The following WDR7 variants were observed in gnomAD, a reference collection of about 807,000 sequenced individuals.
WDR7 encodes WD repeat domain 7, also known as WD repeat-containing protein 7.
Under a neutral mutation model 169.4 loss-of-function variants are expected in WDR7, and 46 were observed. The ratio of observed to expected loss-of-function variants is 0.27; its 90% CI spans 0.21 to 0.35. The LOEUF is 0.35. WDR7 is among the 10% of genes least tolerant of loss of function. WDR7 has a pLI of 1.00. For synonymous variants in WDR7, 612 were observed against 666.8 expected (o/e 0.92, Z 1.27); for missense variants, 1,534 against 1,859.3 (o/e 0.83, Z 3.22).
At chr18:57,016,601 A>G (rs959660342) in intron 26 of WDR7, among the ~76,000 whole-genome samples, 2 of 152,228 alleles carry the variant, frequency 1.3e-5, no homozygotes, top group East Asian at 3.8e-4. Context: ...CATGGCTTTT[A>G]TTGACGCTGA....
intron 18 of WDR7, among the ~76,000 whole-genome samples, 177 bp downstream of exon 18, chr18:56,779,726 A>G (rs1176694706): frequency 6.6e-6 from 1 of 152,214 alleles, no homozygotes; most frequent in East Asian, 1.9e-4. Context: ...CCAACCAGTA[A>G]TGCTCCAGCT....
At chr18:56,702,953 G>A (rs865797216) in intron 12 of WDR7, among the ~76,000 whole-genome samples, 6 of 152,102 alleles carry the variant, frequency 3.9e-5, no homozygotes, top group African/African-American at 1.4e-4. Context: ...CGAAAATGCC[G>A]AAAAATAAAC....
rs888759091 is a variant in WDR7, at chr18:57,028,124, A to G, written c.*917A>G. 2 of 152,190 alleles carry G rather than the reference A, an allele frequency of 1.3e-5. No individual in the cohort carries two copies. Among genetic ancestry groups the G allele is most frequent in the African/African-American group, 4.8e-5 (2 of 41,438 alleles). The allele number at this position is 152,190 out of a possible 1,614,324, so 9.4% of individuals were successfully genotyped here. On this transcript the variant is annotated 3_prime_UTR_variant, in exon 28 of 28. Coordinates refer to ENST00000254442, the MANE Select transcript of WDR7 (RefSeq NM_015285.3). ...ACCCCTTTCCCCCGGAAAACTTGCA[A>G]TCCTGTAGTTCCCATATGTGTGGCA... is the stretch of plus-strand genomic sequence containing the variant.
At chr18:56,986,739 A>T (rs2047726692) in intron 26 of WDR7, among the ~76,000 whole-genome samples, 1 of 151,856 alleles carries the variant, frequency 6.6e-6, no homozygotes, top group African/African-American at 2.4e-5. Flanking sequence ...AATAAAAAAA[A>T]AATAAAAATA....
intron 21 of WDR7, among the ~76,000 whole-genome samples, chr18:56,899,095 A>C (rs1053975591): frequency 2.6e-5 from 4 of 152,140 alleles, no homozygotes; most frequent in Non-Finnish European, 5.9e-5. Context: ...ATAGCAATTT[A>C]ATGTTTCTAT....
intron 2 of WDR7, among the ~76,000 whole-genome samples, chr18:56,673,291 T>C (rs548093121): frequency 6.6e-5 from 10 of 152,258 alleles, no homozygotes; most frequent in Non-Finnish European, 1.2e-4. Flanking sequence ...TTCCAGGAAT[T>C]TGTTGTCAAA....
intron 16 of WDR7, among the ~76,000 whole-genome samples, chr18:56,763,966 TGTA>T (rs2044022269): frequency 6.6e-6 from 1 of 152,134 alleles, no homozygotes; most frequent in African/African-American, 2.4e-5. Flanking sequence ...CAGTCTGTCT[TGTA>T]GTTTAGCAAT....
chr18:56,706,999 TGAG>T (rs1468408003), intron 12 of WDR7, among the ~76,000 whole-genome samples: 1 of 151,122 alleles, frequency 6.6e-6, no homozygotes, highest in Non-Finnish European at 1.5e-5. Flanking sequence ...TTTTTTTTTT[TGAG>T]AGAGAGTCTC....
At chr18:56,739,013 A>ATT (rs150079134) in intron 14 of WDR7, among the ~76,000 whole-genome samples, 14 of 148,318 alleles carry the variant, frequency 9.4e-5, no homozygotes, top group Non-Finnish European at 1.2e-4. Flanking sequence ...AGACTGCTGG[A>ATT]TTTTTTTTTT....
rs547957546 is a variant in WDR7, at chr18:56,960,185, A to C, written c.4065-2245A>C. Among the ~76,000 whole-genome samples, 4 of 152,212 alleles carry C rather than the reference A, an allele frequency of 2.6e-5. No individual in the cohort carries two copies. In the South Asian group the frequency reaches 8.3e-4, roughly 32 times the overall value. ...TATATATGGTCCTTTCAGGAAAAGT[A>C]ACGATTTGATTCCAGGAATAGATTT... On this transcript the variant is annotated intron_variant, in intron 25 of 27. Coordinates refer to ENST00000254442, the MANE Select transcript of WDR7 (RefSeq NM_015285.3).
chr18:56,924,215 A>T (rs1176511570), intron 22 of WDR7, 107 bp downstream of exon 22: 2 of 1,231,628 alleles, frequency 1.6e-6, no homozygotes. Flanking sequence ...TTTAATAGAT[A>T]AAAAATACAC....
intron 12 of WDR7, among the ~76,000 whole-genome samples, chr18:56,698,197 A>C (rs546749644): frequency 6.6e-6 from 1 of 152,206 alleles, no homozygotes; most frequent in South Asian, 2.1e-4. Flanking sequence ...CGCTGTTTAA[A>C]AAAAAAAAAG....
intron 1 of WDR7, among the ~76,000 whole-genome samples, chr18:56,669,910 A>G (rs1042041357): frequency 2.0e-5 from 3 of 152,182 alleles, no homozygotes; most frequent in African/African-American, 7.2e-5. Flanking sequence ...TTATTAACTA[A>G]TACATAGACT....
At chr18:57,036,072 G>C in the WDR7 span, 1 of 152,314 alleles carries the variant, frequency 6.6e-6, no homozygotes, top group African/African-American at 2.4e-5. Context: ...AGAATGAGTA[G>C]TAGAGAAGGG....
At chr18:56,682,468 G>C (rs1212894198) in intron 4 of WDR7, among the ~76,000 whole-genome samples, 1 of 152,176 alleles carries the variant, frequency 6.6e-6, no homozygotes, top group South Asian at 2.1e-4. Flanking sequence ...AATAATTTTT[G>C]TTAGCTATTT....
chr18:56,819,596 A>G (rs2045049404), intron 20 of WDR7, among the ~76,000 whole-genome samples: 1 of 152,202 alleles, frequency 6.6e-6, no homozygotes, highest in Non-Finnish European at 1.5e-5. Flanking sequence ...GAAAAATATT[A>G]AAACCTATTT....
chr18:56,999,896 A>ATC (rs2047951135), intron 26 of WDR7, among the ~76,000 whole-genome samples: 1 of 152,114 alleles, frequency 6.6e-6, no homozygotes, highest in Non-Finnish European at 1.5e-5. Flanking sequence ...AACAGAAGGG[A>ATC]TCTCCCATCT....
chr18:56,878,011 T>G (rs1344569156), intron 20 of WDR7, among the ~76,000 whole-genome samples: 1 of 152,190 alleles, frequency 6.6e-6, no homozygotes, highest in Non-Finnish European at 1.5e-5. Context: ...GCTTATAATA[T>G]TGCATAATAA....
At chr18:57,007,124 C>T (rs1395299453) in intron 26 of WDR7, among the ~76,000 whole-genome samples, 1 of 151,430 alleles carries the variant, frequency 6.6e-6, no homozygotes, top group East Asian at 1.9e-4. Flanking sequence ...CGACTACAGG[C>T]GCCCGCCACA....
Sources: gnomAD v4.1 joint callset for allele counts (sites outside exome capture counted in the v4.1 genomes callset) on GRCh38, gnomAD v4.1.1 for gene constraint, MANE v1.5 for transcripts, NCBI Gene and HGNC (gene_info 2026-07-23, HGNC 2026-07-21) for gene names.